The following DNAI7 variants were observed in gnomAD, a reference collection of about 807,000 sequenced individuals.
DNAI7 encodes cancer susceptibility 1.
Under a neutral mutation model 86.6 loss-of-function variants are expected in DNAI7, and 78 were observed. The observed-to-expected ratio is 0.90, with a 90% CI of 0.75 to 1.09. The LOEUF (loss-of-function observed/expected upper bound fraction) is 1.09. Ranked by LOEUF, DNAI7 falls within the 50% of genes least tolerant of loss-of-function variation. The probability of loss-of-function intolerance (pLI) is 0.00; values close to 1 mark genes in which losing one functional copy is unlikely to be tolerated. For missense variants in DNAI7, 753 were observed against 810.2 expected (o/e 0.93, Z 0.86); for synonymous variants, 274 against 273.0 (o/e 1.00, Z -0.04).
At chr12:25,169,043 C>T (rs573008754) in intron 2 of DNAI7, among the ~76,000 whole-genome samples, 5 of 152,138 alleles carry the variant, frequency 3.3e-5, no homozygotes, top group South Asian at 4.1e-4. Context: ...CCAAAAATTT[C>T]GCTGTCCCAA....
chr12:25,180,015 A>G (rs1197673114), intron 2 of DNAI7, among the ~76,000 whole-genome samples: 1 of 152,216 alleles, frequency 6.6e-6, no homozygotes, highest in Non-Finnish European at 1.5e-5. Context: ...TTGTTCACTG[A>G]CAACATGATC....
At chr12:25,124,032 T>TTGTGTGTGTGTGTGTGTG (rs57454187) in intron 9 of DNAI7, among the ~76,000 whole-genome samples, 10,495 of 144,478 alleles carry the variant, frequency 0.073, 445 homozygotes, top group East Asian at 0.14. Context: ...AGTATAAAAA[T>TTGTGTGTGTGTGTGTGTG]TGTGTGTGTG....
In DNAI7 at chr12:25,142,438, A is replaced by G. The variant is rs536374204; in HGVS notation, c.1002+1927T>C. ...GTGCACCAAAATCTTAGAAATCACC[A>G]CTAAAGAACTTATCCATGTAACCAA... On this transcript the variant is annotated intron_variant, in intron 9 of 15. Transcript: ENST00000395987. 5.9e-5 allele frequency among the ~76,000 whole-genome samples: 9 copies of G among 152,160 alleles called. No individual in the cohort carries two copies. The South Asian group carries it at 6.2e-4, about 11-fold the overall frequency.
In DNAI7 at chr12:25,195,074, A is replaced by G; in HGVS notation, c.3+2T>C. 5 of 1,614,172 alleles carry G rather than the reference A, an allele frequency of 3.1e-6. No homozygotes were observed. Among genetic ancestry groups the G allele is most frequent in the Non-Finnish European group, 3.4e-6 (4 of 1,180,020 alleles). ...CCTGTCTGCCTCATTTGCCTTGCTC[A>G]CCATTAAGAGTCAAGCTCCACTGCA... is the stretch of plus-strand genomic sequence containing the variant. On this transcript the variant is annotated splice_donor_variant, in intron 1 of 15. Transcript: ENST00000395987. LOFTEE classifies it high-confidence loss of function.
intron 2 of DNAI7, among the ~76,000 whole-genome samples, chr12:25,163,781 C>CTT (rs1036063476): frequency 1.3e-5 from 2 of 152,196 alleles, no homozygotes; most frequent in African/African-American, 4.8e-5. Flanking sequence ...TAAGCGGCCT[C>CTT]TTTTTACTCT....
chr12:25,130,596 AT>A lies in DNAI7; in HGVS notation c.1003-7311del, dbSNP rs1942788333. 2.7e-5 allele frequency among the ~76,000 whole-genome samples: 4 copies of A among 149,766 alleles called. No homozygotes were observed. In the South Asian group the frequency reaches 8.5e-4, roughly 32 times the overall value. On this transcript the variant is annotated intron_variant, in intron 9 of 15. Coordinates refer to ENST00000395987, the MANE Select transcript of DNAI7 (RefSeq NM_018272.5). ...TAAAATAAAATAAAATAAAATATTT[AT>A]GTTAAATCCTGTATATGTTTGCTTA... is the stretch of plus-strand genomic sequence containing the variant.
Position 25,158,544 on chromosome 12 carries a change from A to G in DNAI7, c.126T>C (p.Tyr42=), listed in dbSNP as rs1283906659. ...LKEEEEARLK[Y]EKEEMERLEI... The stretch of plus-strand genomic sequence containing the variant: ...CAAGCCTTTCCATTTCTTCTTTCTC[A>G]TATTTCAAACGGGCTTCCTCTAAAG... Residue 42 remains tyrosine, a synonymous_variant, in exon 4 of 16, where the codon TAT becomes TAC. Transcript: ENST00000395987. 6.2e-7 allele frequency: 1 copy of G among 1,612,778 alleles called. No individual in the cohort carries two copies. Among genetic ancestry groups the G allele is most frequent in the Admixed American group, 1.7e-5 (1 of 59,978 alleles).
At chr12:25,123,146 C>T (rs1266835527) in intron 10 of DNAI7, 65 bp downstream of exon 10, 5 of 1,051,156 alleles carry the variant, frequency 4.8e-6, no homozygotes, top group Non-Finnish European at 6.9e-6. Flanking sequence ...AACAATGATC[C>T]TGTATTTCTT....
chr12:25,161,171 G>A lies in DNAI7; in HGVS notation c.48C>T (p.Thr16=), dbSNP rs200382302. The change falls in exon 3 of 16, where the codon ACC becomes ACT. Residue 16 remains threonine (T), a synonymous_variant. Transcript: ENST00000395987. The part of the protein sequence containing the change: ...KKSGSKKKKV[T]KAERLKLLQE... ...GTAGCAGCTTCAATCGTTCAGCTTT[G>A]GTGACTTTCTTTTTCTTACTGCCAG... The A allele has an allele frequency of 2.9e-4, 468 of 1,613,734 alleles. 1 individual carries two copies. The African/African-American group carries it at 5.8e-3, about 20-fold the overall frequency.
chr12:25,191,557 G>A (rs1299930626), intron 1 of DNAI7, among the ~76,000 whole-genome samples: 1 of 151,454 alleles, frequency 6.6e-6, no homozygotes, highest in African/African-American at 2.4e-5. Flanking sequence ...ACAGAAAATT[G>A]GCCGGGCATG....
intron 9 of DNAI7, among the ~76,000 whole-genome samples, chr12:25,134,950 GA>G (rs1412401531): frequency 6.6e-6 from 1 of 152,128 alleles, no homozygotes; most frequent in Non-Finnish European, 1.5e-5. Flanking sequence ...TGCCATTTAG[GA>G]AAAATGGCAG....
At chr12:25,114,527 G>T (rs1939669306) in intron 13 of DNAI7, 129 bp downstream of exon 13, 1 of 596,568 alleles carries the variant, frequency 1.7e-6, no homozygotes. Flanking sequence ...ACATTTTTAA[G>T]GTCATTATAA....
intron 2 of DNAI7, among the ~76,000 whole-genome samples, chr12:25,186,269 C>T (rs11047879): frequency 0.18 from 27,560 of 152,032 alleles, 2,624 homozygotes; most frequent in Middle Eastern, 0.23. Flanking sequence ...ATTTAAATTA[C>T]GTGAAGTTTC....
At chr12:25,157,999 G>A (rs376236339) in intron 4 of DNAI7, among the ~76,000 whole-genome samples, 2 of 152,148 alleles carry the variant, frequency 1.3e-5, no homozygotes, top group Non-Finnish European at 2.9e-5. Context: ...GGAGGCTGAG[G>A]GGGGCGGATC....
intron 9 of DNAI7, among the ~76,000 whole-genome samples, chr12:25,127,075 T>C (rs1270777150): frequency 4.1e-5 from 6 of 148,110 alleles, no homozygotes; most frequent in Non-Finnish European, 7.5e-5. Flanking sequence ...TTTAAAAAAA[T>C]TGTACTACTC....
chr12:25,152,316 A>C (rs1432795408), intron 6 of DNAI7, among the ~76,000 whole-genome samples: 1 of 152,242 alleles, frequency 6.6e-6, no homozygotes, highest in Non-Finnish European at 1.5e-5. Flanking sequence ...CCTAGCCTCC[A>C]GGATGGGGAG....
At chr12:25,164,814 C>A (rs887402684) in intron 2 of DNAI7, among the ~76,000 whole-genome samples, 1 of 152,030 alleles carries the variant, frequency 6.6e-6, no homozygotes, top group Non-Finnish European at 1.5e-5. Context: ...CCCCTCCTCA[C>A]CAGGCCGAGC....
chr12:25,130,520 G>A (rs1479384406), intron 9 of DNAI7, among the ~76,000 whole-genome samples: 1 of 149,600 alleles, frequency 6.7e-6, no homozygotes, highest in African/African-American at 2.5e-5. Context: ...CTGGGCGAAA[G>A]AGCGAGACTC....
intron 13 of DNAI7, among the ~76,000 whole-genome samples, chr12:25,113,948 T>TG (rs143738706): frequency 0.4 from 55,436 of 137,262 alleles, 12,905 homozygotes; most frequent in East Asian, 0.76. Flanking sequence ...GTTTTTTTTT[T>TG]TTTTTTTTTT....
Sources: gnomAD v4.1 joint callset for allele counts (sites outside exome capture counted in the v4.1 genomes callset) on GRCh38, gnomAD v4.1.1 for gene constraint, MANE v1.5 for transcripts, NCBI Gene and HGNC (gene_info 2026-07-23, HGNC 2026-07-21) for gene names.